The following PEX5L variants were observed in gnomAD, a reference collection of about 807,000 sequenced individuals.
PEX5L encodes PEX5-related protein.
Under a neutral mutation model 84.0 loss-of-function variants are expected in PEX5L, and 30 were observed. That is an observed-to-expected ratio of 0.36 (90% CI 0.27 to 0.48). The LOEUF (loss-of-function observed/expected upper bound fraction) is 0.48. Ranked by LOEUF, PEX5L falls within the 20% of genes least tolerant of loss-of-function variation. PEX5L has a pLI of 0.99. For missense variants in PEX5L, 533 were observed against 754.6 expected, an observed-to-expected ratio of 0.71 and a Z score of 3.44; for synonymous variants, 270 against 283.1, an observed-to-expected ratio of 0.95 and a Z score of 0.46.
intron 8 of PEX5L, among the ~76,000 whole-genome samples, chr3:179,821,772 T>C (rs1453541228): frequency 6.6e-6 from 1 of 152,214 alleles, no homozygotes; most frequent in African/African-American, 2.4e-5. Flanking sequence ...GAATAACACA[T>C]TGTGCAAACA....
At chr3:179,894,176 C>T (rs9985327) in intron 3 of PEX5L, among the ~76,000 whole-genome samples, 3,960 of 152,134 alleles carry the variant, frequency 0.026, 197 homozygotes, top group African/African-American at 0.091. Context: ...GAAATTTATT[C>T]GGTGTCTGTC....
intron 1 of PEX5L, among the ~76,000 whole-genome samples, chr3:179,979,648 G>A (rs534279254): frequency 4.6e-5 from 7 of 152,244 alleles, no homozygotes; most frequent in Non-Finnish European, 7.4e-5. Flanking sequence ...GAACACTTCT[G>A]TCCTACAATA....
At chr3:179,819,423 C>T (rs1426382367) in intron 9 of PEX5L, among the ~76,000 whole-genome samples, 1 of 152,100 alleles carries the variant, frequency 6.6e-6, no homozygotes, top group Non-Finnish European at 1.5e-5. Context: ...ATATAATGAC[C>T]ACCTGTGAAA....
chr3:179,812,949 T>A (rs1417144957), intron 10 of PEX5L, among the ~76,000 whole-genome samples: 1 of 152,070 alleles, frequency 6.6e-6, no homozygotes, highest in Non-Finnish European at 1.5e-5. Context: ...AGCACAGTTA[T>A]CTTAAAGTGC....
intron 8 of PEX5L, among the ~76,000 whole-genome samples, chr3:179,832,440 CTACT>C (rs1192607339): frequency 6.6e-6 from 1 of 151,310 alleles, no homozygotes; most frequent in African/African-American, 2.4e-5. Context: ...ACTAACCTTC[CTACT>C]TACTTACCCA....
chr3:179,831,461 T>C lies in PEX5L; in HGVS notation c.823-11485A>G, dbSNP rs533893183. ...TTCTCAAAGTAATCATATTACACTT[T>C]CACATTAAATTAATTTATTCAGAAA... On this transcript the variant is annotated intron_variant, in intron 8 of 14. Transcript: ENST00000467460. Among the ~76,000 whole-genome samples the C allele has an allele frequency of 1.4e-4, 22 of 152,312 alleles. No homozygotes were observed. The South Asian group carries it at 4.1e-3, about 29-fold the overall frequency.
At chr3:179,830,710 G>A (rs973177971) in intron 8 of PEX5L, among the ~76,000 whole-genome samples, 14 of 152,120 alleles carry the variant, frequency 9.2e-5, no homozygotes, top group Admixed American at 5.9e-4. Context: ...CTCTTCCAAG[G>A]ATACTAGGCA....
intron 8 of PEX5L, among the ~76,000 whole-genome samples, chr3:179,835,971 A>C (rs1734793873): frequency 6.6e-6 from 1 of 152,220 alleles, no homozygotes; most frequent in African/African-American, 2.4e-5. Context: ...AAATTTTTAG[A>C]AAATAATGTA....
At position 179,968,761 on chromosome 3, in the gene PEX5L, A is replaced by G. The variant is rs565253264; in HGVS notation, c.93+2833T>C. On this transcript the variant is annotated intron_variant, in intron 2 of 14. Coordinates refer to ENST00000467460, the MANE Select transcript of PEX5L (RefSeq NM_016559.3). ...TGTGTCTGTGTATCATATGGCACCT[A>G]TTACCATAAGACATCAACACTCATT... Among the ~76,000 whole-genome samples, 13 of 149,636 alleles carry G rather than the reference A, an allele frequency of 8.7e-5. No homozygotes were observed. The East Asian group carries it at 2.6e-3, about 29-fold the overall frequency.
intron 2 of PEX5L, among the ~76,000 whole-genome samples, chr3:179,908,002 G>C (rs1259977233): frequency 6.6e-6 from 1 of 152,196 alleles, no homozygotes; most frequent in African/African-American, 2.4e-5. Context: ...TACTAGCCAA[G>C]AAGGTCTGCA....
intron 2 of PEX5L, among the ~76,000 whole-genome samples, chr3:179,916,004 C>T (rs1766930041): frequency 6.6e-6 from 1 of 152,128 alleles, no homozygotes; most frequent in Admixed American, 6.5e-5. Flanking sequence ...ACTTGAAGCT[C>T]AGAGAGAATA....
rs116702934 is a variant in PEX5L, at chr3:179,861,219, C to T, written c.727-2062G>A. Among the ~76,000 whole-genome samples the T allele has an allele frequency of 1.8e-3, 277 of 152,312 alleles. 2 individuals carry two copies. Among genetic ancestry groups the T allele is most frequent in the African/African-American group, 6.3e-3 (261 of 41,560 alleles). On this transcript the variant is annotated intron_variant, in intron 7 of 14. Transcript: ENST00000467460. The stretch of plus-strand genomic sequence containing the variant: ...AGTCAATAAATAGTTGTTGAAAATA[C>T]GCTGTCAATGAATAGATGCGTGAAT...
At chr3:179,951,062 T>C (rs907905161) in intron 2 of PEX5L, among the ~76,000 whole-genome samples, 2 of 152,224 alleles carry the variant, frequency 1.3e-5, no homozygotes, top group Non-Finnish European at 2.9e-5. Context: ...CTGAAGGCTA[T>C]TACAACGGAG....
At chr3:180,001,018 T>C (rs1788350914) in intron 1 of PEX5L, among the ~76,000 whole-genome samples, 1 of 152,102 alleles carries the variant, frequency 6.6e-6, no homozygotes, top group Non-Finnish European at 1.5e-5. Context: ...CCAAAGGAGA[T>C]TAACATTTGA....
chr3:179,885,152 C>A (rs1251099413), intron 4 of PEX5L, among the ~76,000 whole-genome samples: 1 of 151,978 alleles, frequency 6.6e-6, no homozygotes, highest in African/African-American at 2.4e-5. Context: ...AAAAATAAAT[C>A]CCCAGTCTCA....
intron 2 of PEX5L, among the ~76,000 whole-genome samples, chr3:179,908,656 C>G (rs1426820864): frequency 6.9e-6 from 1 of 145,686 alleles, no homozygotes. Flanking sequence ...GTGTGATATT[C>G]CCCTTCCTGT....
At chr3:179,948,606 G>A (rs1336104444) in intron 2 of PEX5L, among the ~76,000 whole-genome samples, 1 of 152,180 alleles carries the variant, frequency 6.6e-6, no homozygotes, top group Admixed American at 6.5e-5. Context: ...CCGTGCAGGA[G>A]CTACCAATTC....
intron 14 of PEX5L, chr3:179,804,298 T>C (rs1237997675): frequency 6.6e-6 from 1 of 152,154 alleles, no homozygotes; most frequent in East Asian, 1.9e-4. Flanking sequence ...GTTTCACACA[T>C]GTATGTATAA....
intron 1 of PEX5L, among the ~76,000 whole-genome samples, chr3:179,986,717 T>C (rs1351902121): frequency 1.3e-5 from 2 of 152,132 alleles, no homozygotes; most frequent in African/African-American, 2.4e-5. Context: ...TTAGTAATTT[T>C]TTTTCAGGAT....
Sources: gnomAD v4.1 joint callset for allele counts (sites outside exome capture counted in the v4.1 genomes callset) on GRCh38, gnomAD v4.1.1 for gene constraint, MANE v1.5 for transcripts, NCBI Gene and HGNC (gene_info 2026-07-23, HGNC 2026-07-21) for gene names.